Variants in VCAN observed in about 807,000 individuals in gnomAD.
VCAN encodes versican, also known as versican core protein.
VCAN carries 44 observed loss-of-function variants against 245.5 expected under a neutral mutation model. That is an observed-to-expected ratio of 0.18 (90% CI 0.14 to 0.23). The LOEUF (loss-of-function observed/expected upper bound fraction) is 0.23. Ranked by LOEUF, VCAN falls within the 10% of genes least tolerant of loss-of-function variation. The pLI is 1.00. For synonymous variants in VCAN, 1,413 were observed against 1,437.0 expected, an observed-to-expected ratio of 0.98 and a Z score of 0.38; for missense variants, 3,793 against 4,057.9, an observed-to-expected ratio of 0.93 and a Z score of 1.77.
At chr5:83,580,194 G>T in intron 14 of VCAN, 32 bp downstream of exon 14, 2 of 1,613,940 alleles carry the variant, frequency 1.2e-6, no homozygotes, top group Non-Finnish European at 1.7e-6. Context: ...ATGGACTACC[G>T]TGCTATAACA....
chr5:83,528,360 C>T (rs985037251), intron 7 of VCAN, among the ~76,000 whole-genome samples: 3 of 152,124 alleles, frequency 2.0e-5, no homozygotes, highest in African/African-American at 7.2e-5. Flanking sequence ...TTAGGCTCAC[C>T]AGTGGGGTTA....
chr5:83,580,419 G>GGCT lies in VCAN; in HGVS notation c.10177_10178insCTG (p.Gln3392_Glu3393insAla). On this transcript the variant is annotated inframe_insertion, in exon 15 of 15. Transcript: ENST00000265077. ...ATCATCGTTGGAGCCGGAGGTGGCA[G>GGCT]GAGTCGAGGCGCTGATCCCTAAAAT... 1.2e-6 allele frequency: 2 copies of GGCT among 1,613,856 alleles called. No individual in the cohort carries two copies. The highest frequency in any genetic ancestry group is 2.2e-5 in the South Asian group (2 of 91,064).
chr5:83,574,051 G>T (rs1301195567), intron 13 of VCAN, among the ~76,000 whole-genome samples: 9 of 152,184 alleles, frequency 5.9e-5, no homozygotes, highest in African/African-American at 2.2e-4. Context: ...GGCCTCTGGT[G>T]TGTAAGTCCT....
Position 83,539,570 on chromosome 5 carries a change from C to A in VCAN, c.6567C>A (p.Gly2189=). The change falls in exon 8 of 15, where the codon GGC becomes GGA. Residue 2189 remains glycine (G), a synonymous_variant. Transcript: ENST00000265077. ...NMSTPDPDAN[G]LESYTTLPEA... ...CTACTCCAGATCCAGATGCAAATGG[C>A]TTGGAATCTTACACAACTCTCCCTG... 6.2e-7 allele frequency: 1 copy of A among 1,614,070 alleles called. No individual in the cohort carries two copies. Among genetic ancestry groups the A allele is most frequent in the Non-Finnish European group, 8.5e-7 (1 of 1,179,992 alleles).
In VCAN at chr5:83,580,776, A is replaced by G; in HGVS notation, c.*342A>G. ...TTTCAGCACCGATGGCCATGTAAAT[A>G]AGATGATTTAATGTTGATTTTAATC... is the stretch of plus-strand genomic sequence containing the variant. On this transcript the variant is annotated 3_prime_UTR_variant, in exon 15 of 15. Coordinates refer to ENST00000265077, the MANE Select transcript of VCAN (RefSeq NM_004385.5). The G allele has an allele frequency of 2.9e-6, 1 of 343,664 alleles. No individual in the cohort carries two copies. Among genetic ancestry groups the G allele is most frequent in the Non-Finnish European group, 5.6e-6 (1 of 177,094 alleles). The allele number at this position is 343,664 out of a possible 1,614,324, so 21.3% of individuals were successfully genotyped here.
At position 83,520,189 on chromosome 5, in the gene VCAN, G is replaced by A. The variant is rs748526948; in HGVS notation, c.1883G>A (p.Ser628Asn). 1.4e-5 allele frequency: 23 copies of A among 1,613,926 alleles called. No homozygotes were observed. Among genetic ancestry groups the A allele is most frequent in the Admixed American group, 5.0e-5 (3 of 60,000 alleles). Residue 628 changes from serine to asparagine, a missense_variant, in exon 7 of 15, where the codon AGT becomes AAT. Transcript: ENST00000265077. ...SMDDWEERQT[S>N]GRITEEFLGK... ...GATGACTGGGAAGAGAGACAAACTA[G>A]TGGTAGGATAACGGAAGAGTTTCTT... is the stretch of plus-strand genomic sequence containing the variant.
chr5:83,493,887 C>G lies in VCAN; in HGVS notation c.704C>G (p.Pro235Arg), dbSNP rs751759050. The change falls in exon 5 of 15, where the codon CCC (proline) becomes CGC (arginine). Residue 235 changes from proline (P) to arginine (R), a missense_variant. Coordinates refer to ENST00000265077, the MANE Select transcript of VCAN (RefSeq NM_004385.5). ...GTCAGGACTTATGGATTCCGTTCTCCCCAGGAAACTTACGATGTGTATTGT... is the reference window on the plus strand; with the variant it reads ...GTCAGGACTTATGGATTCCGTTCTCGCCAGGAAACTTACGATGTGTATTGT... ...AGVRTYGFRSPQETYDVYCYV... is the reference protein window; with the variant it reads ...AGVRTYGFRSRQETYDVYCYV... 1 of 1,614,050 alleles carries G rather than the reference C, an allele frequency of 6.2e-7. No individual in the cohort carries two copies. Among genetic ancestry groups the G allele is most frequent in the Non-Finnish European group, 8.5e-7 (1 of 1,179,982 alleles).
chr5:83,575,173 G>A (rs549375803), intron 13 of VCAN, among the ~76,000 whole-genome samples: 1 of 152,078 alleles, frequency 6.6e-6, no homozygotes, highest in Non-Finnish European at 1.5e-5. Flanking sequence ...CCCCAATAAT[G>A]AGAAATTCTA....
At chr5:83,575,407 G>C (rs939750403) in intron 13 of VCAN, among the ~76,000 whole-genome samples, 1 of 152,038 alleles carries the variant, frequency 6.6e-6, no homozygotes, top group Non-Finnish European at 1.5e-5. Context: ...TCTTTTTCCG[G>C]TGTAGGAATC....
intron 7 of VCAN, among the ~76,000 whole-genome samples, chr5:83,534,806 G>A (rs955605389): frequency 2.0e-5 from 3 of 151,948 alleles, no homozygotes; most frequent in African/African-American, 7.2e-5. Context: ...TTGTACAGAA[G>A]GCATTTTAAA....
intron 2 of VCAN, among the ~76,000 whole-genome samples, chr5:83,487,476 C>A (rs1300264499): frequency 6.6e-6 from 1 of 152,136 alleles, no homozygotes; most frequent in Non-Finnish European, 1.5e-5. Context: ...CTGTAGGTAG[C>A]AGATTTCTTT....
In VCAN at chr5:83,481,117, A is replaced by T. The variant is rs911397797; in HGVS notation, c.-6-2396A>T. Among the ~76,000 whole-genome samples the T allele has an allele frequency of 4.6e-5, 7 of 152,214 alleles. No homozygotes were observed. In the South Asian group the frequency reaches 1.2e-3, roughly 27 times the overall value. ...TGGGCTATTTGACAGTGGAGCCCAG[A>T]CTTTTAAAATTAGGCTTATAAAGAT... On this transcript the variant is annotated intron_variant, in intron 1 of 14. Coordinates refer to ENST00000265077, the MANE Select transcript of VCAN (RefSeq NM_004385.5).
chr5:83,537,269 G>A lies in VCAN; in HGVS notation c.4266G>A (p.Lys1422=). Residue 1422 remains lysine, a synonymous_variant, in exon 8 of 15, where the codon AAG becomes AAA. Transcript: ENST00000265077. ...AGCATCTCGTTACCACTGTGCCCAA[G>A]GACCCAGAAGCTGCAGAAGCTAGGC... The part of the protein sequence containing the change: ...NGKHLVTTVP[K]DPEAAEARRG... The A allele has an allele frequency of 6.2e-7, 1 of 1,613,938 alleles. No homozygotes were observed. The highest frequency in any genetic ancestry group is 1.1e-5 in the South Asian group (1 of 91,080).
At chr5:83,473,669 A>G (rs1322782801) in intron 1 of VCAN, among the ~76,000 whole-genome samples, 2 of 152,188 alleles carry the variant, frequency 1.3e-5, no homozygotes, top group Non-Finnish European at 2.9e-5. Context: ...TCAGCTCACA[A>G]GACTTGCAGA....
intron 5 of VCAN, among the ~76,000 whole-genome samples, chr5:83,508,755 C>T (rs556872565): frequency 6.6e-6 from 1 of 152,238 alleles, no homozygotes; most frequent in East Asian, 1.9e-4. Context: ...GTTAAATCTT[C>T]CTTTTTTTCA....
chr5:83,564,663 T>C lies in VCAN; in HGVS notation c.9736-7753T>C, dbSNP rs564790065. On this transcript the variant is annotated intron_variant, in intron 12 of 14. Transcript: ENST00000265077. ...CTTGGGAGGTGAACAGAGAGGGCTT[T>C]TGCAGGGTTTTTTAGATGTTTTTTT... is the stretch of plus-strand genomic sequence containing the variant. Among the ~76,000 whole-genome samples, 11 of 149,606 alleles carry C rather than the reference T, an allele frequency of 7.4e-5. No individual in the cohort carries two copies. The South Asian group carries it at 2.5e-3, about 34-fold the overall frequency.
rs1748693320 is a variant in VCAN, at chr5:83,582,021, A to G, written c.*1587A>G. On this transcript the variant is annotated 3_prime_UTR_variant, in exon 15 of 15. Coordinates refer to ENST00000265077, the MANE Select transcript of VCAN (RefSeq NM_004385.5). ...TGGCTTAGAAGGAATGACTCTAGCT[A>G]CAATAATACACAGTATGTTTAAGCA... 1 of 152,166 alleles carries G rather than the reference A, an allele frequency of 6.6e-6. No homozygotes were observed. Among genetic ancestry groups the G allele is most frequent in the South Asian group, 2.1e-4 (1 of 4,836 alleles). 9.4% of individuals were successfully genotyped at this position (152,166 alleles called of 1,614,324 possible).
intron 11 of VCAN, 136 bp from the exon 12 acceptor site, chr5:83,554,820 T>A: frequency 2.4e-6 from 2 of 822,820 alleles, no homozygotes; most frequent in Non-Finnish European, 4.0e-6. Flanking sequence ...CTAGGAGAGA[T>A]TTTTATGAGC....
intron 13 of VCAN, among the ~76,000 whole-genome samples, chr5:83,576,460 T>C (rs949173638): frequency 6.6e-6 from 1 of 152,180 alleles, no homozygotes; most frequent in Non-Finnish European, 1.5e-5. Flanking sequence ...ATTTTACTTA[T>C]CAATTCTCCT....
Sources: allele counts gnomAD v4.1 joint callset (sites outside exome capture counted in the v4.1 genomes callset), GRCh38; gene constraint gnomAD v4.1.1; transcripts MANE v1.5; gene names NCBI Gene and HGNC (gene_info 2026-07-23, HGNC 2026-07-21).